The following SHC3 variants were observed in gnomAD, a reference collection of about 807,000 sequenced individuals.
SHC3 encodes SHC adaptor protein 3.
SHC3 carries 15 observed loss-of-function variants against 60.4 expected under a neutral mutation model. The ratio of observed to expected loss-of-function variants is 0.25; its 90% CI spans 0.17 to 0.38. The LOEUF (loss-of-function observed/expected upper bound fraction) is 0.38, where lower values mean the gene tolerates loss of function less well. SHC3 is among the 10% of genes least tolerant of loss of function. The probability of loss-of-function intolerance (pLI) is 1.00; values close to 1 mark genes in which losing one functional copy is unlikely to be tolerated. For missense variants in SHC3, 677 were observed against 786.1 expected (o/e 0.86, Z 1.66); for synonymous variants, 294 against 325.9 (o/e 0.90, Z 1.05).
At chr9:89,057,315 CTTTTTT>C (rs10606274) in intron 6 of SHC3, among the ~76,000 whole-genome samples, 3 of 133,722 alleles carry the variant, frequency 2.2e-5, no homozygotes, top group East Asian at 2.3e-4. Context: ...TTTCCTTTTT[CTTTTTT>C]TTTTTTTTTT....
intron 1 of SHC3, among the ~76,000 whole-genome samples, chr9:89,176,970 G>C (rs976998846): frequency 2.6e-5 from 4 of 152,190 alleles, no homozygotes; most frequent in Non-Finnish European, 4.4e-5. Flanking sequence ...CATCCTGGGG[G>C]TTTCTCAGTG....
At chr9:89,074,691 CAAAAAAAAAAA>C (rs68051828) in intron 4 of SHC3, among the ~76,000 whole-genome samples, 1 of 59,926 alleles carries the variant, frequency 1.7e-5, no homozygotes, top group African/African-American at 6.9e-5. Flanking sequence ...GCCACTAAAG[CAAAAAAAAAAA>C]AAAAAAAAAA....
At chr9:89,120,211 A>G (rs1321262579) in intron 1 of SHC3, among the ~76,000 whole-genome samples, 1 of 152,216 alleles carries the variant, frequency 6.6e-6, no homozygotes, top group Non-Finnish European at 1.5e-5. Flanking sequence ...CCTAAAACTC[A>G]AAGGCCATAA....
At chr9:89,027,770 A>C (rs2118660548) in intron 11 of SHC3, among the ~76,000 whole-genome samples, 1 of 152,320 alleles carries the variant, frequency 6.6e-6, no homozygotes, top group South Asian at 2.1e-4. Flanking sequence ...TTACAGACTA[A>C]CAGAAAAGAT....
intron 1 of SHC3, among the ~76,000 whole-genome samples, chr9:89,113,331 C>A (rs956943190): frequency 5.3e-5 from 8 of 151,966 alleles, no homozygotes; most frequent in Non-Finnish European, 8.8e-5. Flanking sequence ...TAGTTATGTT[C>A]CAAAGCCTTT....
chr9:89,049,281 CAAAACA>C (rs1824824737), intron 7 of SHC3, among the ~76,000 whole-genome samples: 1 of 151,630 alleles, frequency 6.6e-6, no homozygotes, highest in African/African-American at 2.4e-5. Context: ...CAAAACAAAA[CAAAACA>C]AAACAAAACC....
In SHC3 at chr9:89,014,096, G is replaced by A. The variant is rs184360355; in HGVS notation, c.1657-521C>T. ...CTCCAGACATCCTGGGCACCCACCA[G>A]GGGCAAGCCTCACAGTTCCCCAGAG... On this transcript the variant is annotated intron_variant, in intron 11 of 11. Transcript: ENST00000375835. Among the ~76,000 whole-genome samples the A allele has an allele frequency of 4.0e-3, 611 of 152,318 alleles. 1 individual carries two copies. Among genetic ancestry groups the A allele is most frequent in the Middle Eastern group, 0.014 (4 of 294 alleles).
At chr9:89,069,209 T>C (rs1291226210) in intron 5 of SHC3, among the ~76,000 whole-genome samples, 1 of 152,132 alleles carries the variant, frequency 6.6e-6, no homozygotes, top group Non-Finnish European at 1.5e-5. Context: ...CCCATGAGGC[T>C]GAGGTGAGAG....
intron 3 of SHC3, among the ~76,000 whole-genome samples, chr9:89,075,461 A>C (rs17054713): frequency 6.6e-6 from 1 of 152,182 alleles, no homozygotes; most frequent in Non-Finnish European, 1.5e-5. Flanking sequence ...GCTGAGGTGA[A>C]AACTCTTGCA....
chr9:89,050,445 C>T (rs755886648), intron 7 of SHC3, among the ~76,000 whole-genome samples: 1 of 152,110 alleles, frequency 6.6e-6, no homozygotes, highest in Non-Finnish European at 1.5e-5. Flanking sequence ...ATCACCATGC[C>T]CAACTAATTT....
chr9:89,035,464 G>A (rs1369137428), intron 11 of SHC3, among the ~76,000 whole-genome samples: 2 of 152,096 alleles, frequency 1.3e-5, no homozygotes, highest in East Asian at 3.9e-4. Context: ...GAGTTCCAAA[G>A]CCATAAGGAT....
intron 2 of SHC3, among the ~76,000 whole-genome samples, chr9:89,086,954 T>C (rs1295653542): frequency 6.6e-6 from 1 of 152,186 alleles, no homozygotes; most frequent in Non-Finnish European, 1.5e-5. Flanking sequence ...AATAAATATA[T>C]ACACATATAT....
intron 1 of SHC3, among the ~76,000 whole-genome samples, chr9:89,173,015 T>C (rs1319422207): frequency 6.6e-6 from 1 of 152,170 alleles, no homozygotes; most frequent in Non-Finnish European, 1.5e-5. Flanking sequence ...CATTAGATGC[T>C]GGTGCAAAAA....
chr9:89,070,066 C>A (rs1825245252), intron 5 of SHC3, among the ~76,000 whole-genome samples: 1 of 152,164 alleles, frequency 6.6e-6, no homozygotes. Flanking sequence ...AGATTGCCTA[C>A]TCATAATTTG....
In SHC3 at chr9:89,046,951, C is replaced by T. The variant is rs1284952476; in HGVS notation, c.1006G>A (p.Gly336Ser). 1.9e-6 allele frequency: 3 copies of T among 1,609,968 alleles called. No homozygotes were observed. The highest frequency in any genetic ancestry group is 2.2e-5 in the East Asian group (1 of 44,726). Residue 336 changes from glycine (G) to serine (S), a missense_variant, in exon 8 of 12, where the codon GGC becomes AGC. Coordinates refer to ENST00000375835, the MANE Select transcript of SHC3 (RefSeq NM_016848.6). ...CTGTTGTAGTATGGGTGGTCTGAGC[C>T]ATCTCCCTCCTCTTCCGTCCATGGC... Reference protein sequence around the residue: ...DEPWTEEEGDGSDHPYYNSIP... With the variant: ...DEPWTEEEGDSSDHPYYNSIP...
chr9:89,057,635 A>T (rs1564106975), intron 6 of SHC3, among the ~76,000 whole-genome samples: 1 of 152,210 alleles, frequency 6.6e-6, no homozygotes, highest in Non-Finnish European at 1.5e-5. Context: ...AGCACAAAAA[A>T]AAACATATAC....
intron 1 of SHC3, among the ~76,000 whole-genome samples, chr9:89,132,131 C>A (rs1301469065): frequency 6.6e-6 from 1 of 152,094 alleles, no homozygotes; most frequent in Non-Finnish European, 1.5e-5. Flanking sequence ...AAACAGAGAG[C>A]CAAATCATGA....
chr9:89,047,489 A>G (rs1824793034), intron 7 of SHC3, among the ~76,000 whole-genome samples: 1 of 152,256 alleles, frequency 6.6e-6, no homozygotes, highest in Admixed American at 6.5e-5. Flanking sequence ...AATATTTGCT[A>G]ACATGTATCT....
chr9:89,100,589 A>G (rs1252194817), intron 2 of SHC3, among the ~76,000 whole-genome samples: 1 of 152,180 alleles, frequency 6.6e-6, no homozygotes, highest in Admixed American at 6.5e-5. Context: ...GAGATAGAAT[A>G]GTTCTTTTAT....
Sources: allele counts gnomAD v4.1 joint callset (sites outside exome capture counted in the v4.1 genomes callset), GRCh38; gene constraint gnomAD v4.1.1; transcripts MANE v1.5; gene names NCBI Gene and HGNC (gene_info 2026-07-23, HGNC 2026-07-21).